Variants in RAB3IP observed in about 807,000 individuals in gnomAD.
The protein encoded by RAB3IP is rab-3A-interacting protein.
RAB3IP carries 36 observed loss-of-function variants against 59.1 expected under a neutral mutation model. That is an observed-to-expected ratio of 0.61 (90% CI 0.47 to 0.80). The LOEUF (loss-of-function observed/expected upper bound fraction) is 0.80. Among genes scored for constraint, RAB3IP ranks in the 30% least tolerant of loss-of-function variants. The pLI, the probability that RAB3IP is intolerant of heterozygous loss-of-function variation, is 0.00. For missense variants in RAB3IP, 511 were observed against 536.0 expected (o/e 0.95, Z 0.46); for synonymous variants, 207 against 191.2 (o/e 1.08, Z -0.68).
chr12:69,795,374 T>C, intron 6 of RAB3IP, 30 bp downstream of exon 6: 1 of 1,551,374 alleles, frequency 6.4e-7, no homozygotes, highest in Non-Finnish European at 8.9e-7. Flanking sequence ...CCCCTCTGAC[T>C]CTGTTGATAC....
chr12:69,796,323 T>C (rs1022170107), intron 6 of RAB3IP: 1 of 180,690 alleles, frequency 5.5e-6, no homozygotes, highest in African/African-American at 2.3e-5. Context: ...ATAATAATAG[T>C]CTTATTTTAA....
chr12:69,739,646 G>A (rs1215119889), intron 1 of RAB3IP: 2 of 611,316 alleles, frequency 3.3e-6, no homozygotes, highest in African/African-American at 3.7e-5. Context: ...GCAGGCGCCC[G>A]GAGTCGCGCC....
rs80125847 is a variant in RAB3IP, at chr12:69,792,211, G to A, written c.607-2226G>A. On this transcript the variant is annotated intron_variant, in intron 4 of 10. Transcript: ENST00000247833. Reference sequence around the variant, plus strand: ...TACAAAGTGTCAGTTATGCAGGATAGATAAATTCTGAAGACCCAATGTACA... The same window carrying A: ...TACAAAGTGTCAGTTATGCAGGATAAATAAATTCTGAAGACCCAATGTACA... Among the ~76,000 whole-genome samples the A allele has an allele frequency of 2.2e-3, 340 of 152,200 alleles. 6 individuals are homozygous for A. The East Asian group carries it at 0.055, about 25-fold the overall frequency.
At chr12:69,742,233 C>G (rs1887416290) in intron 1 of RAB3IP, among the ~76,000 whole-genome samples, 2 of 152,148 alleles carry the variant, frequency 1.3e-5, no homozygotes. Flanking sequence ...AGGGAGTACG[C>G]TTTTTCACAC....
chr12:69,740,823 G>A (rs1887258394), intron 1 of RAB3IP, among the ~76,000 whole-genome samples: 1 of 151,944 alleles, frequency 6.6e-6, no homozygotes, highest in Non-Finnish European at 1.5e-5. Context: ...AATATGGCAC[G>A]AAAAAATACT....
chr12:69,751,389 C>A (rs1304868208), intron 1 of RAB3IP, among the ~76,000 whole-genome samples: 2 of 151,800 alleles, frequency 1.3e-5, no homozygotes, highest in Non-Finnish European at 2.9e-5. Context: ...AGCCTGTGTT[C>A]TTTTTTTTGG....
In RAB3IP at chr12:69,800,314, T is replaced by C; in HGVS notation, c.994T>C (p.Cys332Arg). The C allele has an allele frequency of 6.3e-7, 1 of 1,582,722 alleles. No homozygotes were observed. The highest frequency in any genetic ancestry group is 1.4e-5 in the African/African-American group (1 of 73,604). ...DKIYQEDIFP[C>R]LTFSKSELAS... ...AATCTACCAGGAAGATATCTTTCCA[T>C]GTTTAACATTCTCAAAAAGTGAGGT... is the stretch of plus-strand genomic sequence containing the variant. Residue 332 changes from cysteine to arginine, a missense_variant, in exon 7 of 11, where the codon TGT becomes CGT. Transcript: ENST00000247833.
chr12:69,754,630 A>G (rs1050723254), intron 1 of RAB3IP, among the ~76,000 whole-genome samples: 1 of 152,160 alleles, frequency 6.6e-6, no homozygotes, highest in African/African-American at 2.4e-5. Flanking sequence ...CAGAGAGTAA[A>G]TGTTGAGTTT....
chr12:69,784,822 C>G lies in RAB3IP; in HGVS notation c.606+7C>G. ...CACAGCTAGTCTATTTGAGGTTGGT[C>G]TATTTACATCTTGGCCAACAGCAAC... is the stretch of plus-strand genomic sequence containing the variant. On this transcript the variant is annotated splice_region_variant and intron_variant, in intron 4 of 10. Transcript: ENST00000247833. 1 of 1,538,128 alleles carries G rather than the reference C, an allele frequency of 6.5e-7. No homozygotes were observed. Among genetic ancestry groups the G allele is most frequent in the Non-Finnish European group, 8.9e-7 (1 of 1,118,036 alleles).
At chr12:69,798,020 G>A (rs1235324320) in intron 6 of RAB3IP, among the ~76,000 whole-genome samples, 1 of 152,096 alleles carries the variant, frequency 6.6e-6, no homozygotes, top group Non-Finnish European at 1.5e-5. Flanking sequence ...ATGATTTATA[G>A]TCCTTTGGGT....
intron 7 of RAB3IP, among the ~76,000 whole-genome samples, 189 bp downstream of exon 7, chr12:69,800,526 C>T (rs938741484): frequency 4.6e-5 from 7 of 152,070 alleles, no homozygotes; most frequent in African/African-American, 1.7e-4. Flanking sequence ...AACATCTTTT[C>T]TTATATGAGC....
chr12:69,799,427 A>G (rs1202651313), intron 6 of RAB3IP, among the ~76,000 whole-genome samples: 3 of 152,172 alleles, frequency 2.0e-5, no homozygotes, highest in African/African-American at 7.2e-5. Flanking sequence ...TCTGTAGGGA[A>G]GAATACTTGG....
intron 8 of RAB3IP, among the ~76,000 whole-genome samples, chr12:69,808,351 A>G (rs1017506283): frequency 6.6e-6 from 1 of 152,112 alleles, no homozygotes; most frequent in African/African-American, 2.4e-5. Context: ...GTGGTGCTGA[A>G]AAGAATGTAT....
chr12:69,789,468 A>C (rs546629930), intron 4 of RAB3IP, among the ~76,000 whole-genome samples: 2 of 152,214 alleles, frequency 1.3e-5, no homozygotes, highest in South Asian at 4.1e-4. Flanking sequence ...TAGAAACAAA[A>C]AAGCCCAAGA....
At chr12:69,753,349 T>C (rs1869644164) in intron 1 of RAB3IP, among the ~76,000 whole-genome samples, 1 of 152,156 alleles carries the variant, frequency 6.6e-6, no homozygotes, top group Non-Finnish European at 1.5e-5. Context: ...CTATATTGTT[T>C]GGTTTGGCAT....
chr12:69,800,690 A>G (rs543678609), intron 7 of RAB3IP, among the ~76,000 whole-genome samples: 1 of 152,332 alleles, frequency 6.6e-6, no homozygotes, highest in African/African-American at 2.4e-5. Flanking sequence ...GTCTATCTGT[A>G]CATGATTTAA....
chr12:69,815,084 C>A (rs2136292404), intron 10 of RAB3IP, among the ~76,000 whole-genome samples: 1 of 152,260 alleles, frequency 6.6e-6, no homozygotes, highest in Middle Eastern at 3.4e-3. Flanking sequence ...ACAGCATTGA[C>A]ATTTACTCAG....
chr12:69,781,457 G>T (rs79531691), intron 3 of RAB3IP, among the ~76,000 whole-genome samples: 3,216 of 152,156 alleles, frequency 0.021, 116 homozygotes, highest in African/African-American at 0.073. Context: ...AGGTATAATG[G>T]CATGTGTCTA....
At chr12:69,803,392 T>G (rs1394587470) in intron 8 of RAB3IP, among the ~76,000 whole-genome samples, 1 of 152,010 alleles carries the variant, frequency 6.6e-6, no homozygotes, top group Non-Finnish European at 1.5e-5. Flanking sequence ...ACTAAGTGAG[T>G]GGCACAGCAC....
Sources: gnomAD v4.1 joint callset for allele counts (sites outside exome capture counted in the v4.1 genomes callset) on GRCh38, gnomAD v4.1.1 for gene constraint, MANE v1.5 for transcripts, NCBI Gene and HGNC (gene_info 2026-07-23, HGNC 2026-07-21) for gene names.